DNAH1: variants seen among roughly 807,000 people sequenced by gnomAD.
DNAH1 encodes the protein dynein axonemal heavy chain 1, also known as axonemal beta dynein heavy chain 1.
A neutral mutation model predicts 484.3 loss-of-function variants in DNAH1; 327 were observed. The observed-to-expected ratio is 0.68, with a 90% CI of 0.62 to 0.74. The LOEUF (loss-of-function observed/expected upper bound fraction) is 0.74, where lower values mean the gene tolerates loss of function less well. Among genes scored for constraint, DNAH1 ranks in the 30% least tolerant of loss-of-function variants. The pLI is 0.00. For synonymous variants in DNAH1, 2,192 were observed against 2,191.9 expected, an observed-to-expected ratio of 1.00 and a Z score of 0.00; for missense variants, 5,052 against 5,546.8, an observed-to-expected ratio of 0.91 and a Z score of 2.83.
intron 8 of DNAH1, among the ~76,000 whole-genome samples, chr3:52,339,545 T>C (rs1701855297): frequency 1.3e-5 from 2 of 152,164 alleles, no homozygotes; most frequent in Non-Finnish European, 2.9e-5. Flanking sequence ...TACAGTTTTC[T>C]TCTGCTTGGT....
rs867441028 is a variant in DNAH1 at position 52,346,742 on chromosome 3, G to A, written c.1927G>A (p.Gly643Ser). 2 of 1,607,860 alleles carry A rather than the reference G, an allele frequency of 1.2e-6. No homozygotes were observed. The highest frequency in any genetic ancestry group is 8.5e-7 in the Non-Finnish European group (1 of 1,174,768). The change falls in exon 11 of 78, where the codon GGT (glycine) becomes AGT (serine). Residue 643 changes from glycine to serine, a missense_variant. Gly to Ser is a moderately conservative substitution (Grantham distance 56). This residue lies in a region of DNAH1 where 1,263 missense variants were observed against 1,218.8 expected (regional missense o/e 1.04). Transcript: ENST00000420323. ...CAACTGCACCGATGACATGGTCTGGGGTGACGACTTAATTAACAGCCCCTA... is the reference window on the plus strand; with the variant it reads ...CAACTGCACCGATGACATGGTCTGGAGTGACGACTTAATTAACAGCCCCTA... ...VLNCTDDMVW[G>S]DDLINSPYRP... is the part of the protein sequence containing the mutation.
In DNAH1 at chr3:52,322,644, C is replaced by G; in HGVS notation, c.202C>G (p.Pro68Ala). ...CCCACATTTACCCCTGCCCCCGGCC[C>G]CACCCACACTCTCAGACTTGGGGCA... ...KLPHLPLPPAPPTLSDLGQPR... is the reference protein window; with the variant it reads ...KLPHLPLPPAAPTLSDLGQPR... The change falls in exon 2 of 78, where the codon CCA (proline) becomes GCA (alanine). Residue 68 changes from proline (P) to alanine (A), a missense_variant. Physicochemically the swap from Pro to Ala is conservative, Grantham distance 27. Around this residue, in one of 4 missense-constraint regions of DNAH1, gnomAD observed 1,263 missense variants for 1,218.8 expected, o/e 1.04. Coordinates refer to ENST00000420323, the MANE Select transcript of DNAH1 (RefSeq NM_015512.5). The G allele has an allele frequency of 6.2e-7, 1 of 1,613,912 alleles. No homozygotes were observed. The highest frequency in any genetic ancestry group is 8.5e-7 in the Non-Finnish European group (1 of 1,179,866).
chr3:52,368,063 T>A lies in DNAH1; in HGVS notation c.5766-678T>A, dbSNP rs769760011. Among the ~76,000 whole-genome samples the A allele has an allele frequency of 6.6e-6, 1 of 151,794 alleles. No homozygotes were observed. The highest frequency in any genetic ancestry group is 1.5e-5 in the Non-Finnish European group (1 of 67,938). ...GTGGAAAATCCAGAGGAAACATCAGTGGTGAGGGGGATTCTGGTTGAACCA... is the reference window on the plus strand; with the variant it reads ...GTGGAAAATCCAGAGGAAACATCAGAGGTGAGGGGGATTCTGGTTGAACCA... On this transcript the variant is annotated intron_variant, in intron 36 of 77. Coordinates refer to ENST00000420323, the MANE Select transcript of DNAH1 (RefSeq NM_015512.5). The surrounding 1 kb of genome is among the most constrained non-coding windows in gnomAD (Gnocchi z 4.4).
In DNAH1 at chr3:52,349,991, C is replaced by G. The variant is rs200437374; in HGVS notation, c.2529C>G (p.Ile843Met). The G allele has an allele frequency of 2.5e-6, 4 of 1,607,954 alleles. No individual in the cohort carries two copies. In the African/African-American group the frequency reaches 5.3e-5, roughly 21 times the overall value. The change falls in exon 15 of 78, where the codon ATC becomes ATG. Residue 843 changes from isoleucine (I) to methionine (M), a missense_variant and splice_region_variant. Physicochemically the swap from Ile to Met is conservative, Grantham distance 10 (BLOSUM62 1). Transcript: ENST00000420323. ...AKNLHKEVDS[I>M]CEEFRSISRK... ...CCAGCGCCTCCTCCCACTGCCAGAT[C>G]TGCGAGGAGTTCCGCAGCATCAGCC... is the stretch of plus-strand genomic sequence containing the variant.
intron 1 of DNAH1, among the ~76,000 whole-genome samples, chr3:52,318,140 C>G (rs1408799837): frequency 6.6e-6 from 1 of 152,252 alleles, no homozygotes; most frequent in East Asian, 1.9e-4. Flanking sequence ...CAACCTCCAC[C>G]TCCCGGGTTC....
chr3:52,396,132 A>G (rs902180160), intron 70 of DNAH1, among the ~76,000 whole-genome samples: 4 of 151,814 alleles, frequency 2.6e-5, no homozygotes, highest in African/African-American at 9.7e-5. Flanking sequence ...ATGGCATTTC[A>G]CCATGTTGGC....
At chr3:52,357,761 T>G (rs776061152) in intron 23 of DNAH1, 26 bp downstream of exon 23, 2 of 1,571,580 alleles carry the variant, frequency 1.3e-6, no homozygotes, top group South Asian at 2.3e-5. Flanking sequence ...CCATGCCCAC[T>G]CCGCCACTGT....
At chr3:52,311,634 G>A (rs1700760167), upstream of DNAH1, among the ~76,000 whole-genome samples, 1 of 152,208 alleles carries the variant, frequency 6.6e-6, no homozygotes, top group Non-Finnish European at 1.5e-5. Flanking sequence ...CCAGCTGCGT[G>A]TATCCTGACG....
chr3:52,332,391 C>T lies in DNAH1; in HGVS notation c.1283C>T (p.Pro428Leu). Residue 428 changes from proline (P) to leucine (L), a missense_variant, in exon 8 of 78, where the codon CCC becomes CTC. By Grantham distance (98) the Pro-to-Leu change is moderately conservative. This residue lies in a region of DNAH1 where 1,263 missense variants were observed against 1,218.8 expected (regional missense o/e 1.04). Transcript: ENST00000420323. ...ALSTPRMRKG[P>L]SVLEHLSSLA... ...AGCACGCCTCGGATGCGCAAAGGCCCCTCGTGAGTCCCCGCTCGGCCTTCC... is the reference window on the plus strand; with the variant it reads ...AGCACGCCTCGGATGCGCAAAGGCCTCTCGTGAGTCCCCGCTCGGCCTTCC... 1 of 1,612,224 alleles carries T rather than the reference C, an allele frequency of 6.2e-7. No individual in the cohort carries two copies.
rs372987144 is a variant in DNAH1, at chr3:52,397,000, G to A, written c.11743G>A (p.Ala3915Thr). ...DVLSPEHSYS[A>T]SGIYHQIPPT... Reference sequence around the variant, plus strand: ...GCTCTCCCCTGAGCACAGCTACAGCGCCTCGGGCATCTACCACCAGATCCC... The same window carrying A: ...GCTCTCCCCTGAGCACAGCTACAGCACCTCGGGCATCTACCACCAGATCCC... The change falls in exon 73 of 78, where the codon GCC (alanine) becomes ACC (threonine). Residue 3915 changes from alanine to threonine, a missense_variant. Coordinates refer to ENST00000420323, the MANE Select transcript of DNAH1 (RefSeq NM_015512.5). The A allele has an allele frequency of 4.6e-5, 74 of 1,611,176 alleles. No homozygotes were observed. Among genetic ancestry groups the A allele is most frequent in the Non-Finnish European group, 5.8e-5 (68 of 1,178,862 alleles).
intron 3 of DNAH1, 112 bp from the exon 4 acceptor site, chr3:52,326,028 T>G: frequency 1.8e-6 from 2 of 1,126,988 alleles, no homozygotes; most frequent in Non-Finnish European, 2.4e-6. Flanking sequence ...AGCTTTGAGC[T>G]TCCCACACTC....
In DNAH1 at chr3:52,375,245, T is replaced by C. The variant is rs1281333009; in HGVS notation, c.6991T>C (p.Phe2331Leu). The C allele has an allele frequency of 6.2e-7, 1 of 1,604,278 alleles. No individual in the cohort carries two copies. The highest frequency in any genetic ancestry group is 1.1e-5 in the South Asian group (1 of 88,766). The part of the protein sequence containing the change: ...GWYDRKIIGA[F>L]KNLVDINFVC... ...ACTTCCTGCCCCTACTCCAGGTGCC[T>C]TCAAGAACCTAGTGGACATCAACTT... Residue 2331 changes from phenylalanine (F) to leucine (L), a missense_variant, in exon 45 of 78, where the codon TTC becomes CTC. By Grantham distance (22) the Phe-to-Leu change is conservative. Around this residue, in one of 4 missense-constraint regions of DNAH1, gnomAD observed 2,929 missense variants for 3,409.4 expected, o/e 0.86. Coordinates refer to ENST00000420323, the MANE Select transcript of DNAH1 (RefSeq NM_015512.5).
At position 52,338,580 on chromosome 3, in the gene DNAH1, A is replaced by C. The variant is rs567792665; in HGVS notation, c.1287-5910A>C. Among the ~76,000 whole-genome samples, 85 of 152,336 alleles carry C rather than the reference A, an allele frequency of 5.6e-4. 1 individual carries two copies. In the South Asian group the frequency reaches 0.017, roughly 31 times the overall value. On this transcript the variant is annotated intron_variant, in intron 8 of 77. Coordinates refer to ENST00000420323, the MANE Select transcript of DNAH1 (RefSeq NM_015512.5). Reference sequence around the variant, plus strand: ...CTTTTCTAGTAGATTCCTCATGAAGAGCTCAAGGGTATAGAGTTCCTTGAG... The same window carrying C: ...CTTTTCTAGTAGATTCCTCATGAAGCGCTCAAGGGTATAGAGTTCCTTGAG...
Position 52,353,218 on chromosome 3 carries a change from T to A in DNAH1, c.3143T>A (p.Ile1048Asn). 6.2e-7 allele frequency: 1 copy of A among 1,613,984 alleles called. No homozygotes were observed. Among genetic ancestry groups the A allele is most frequent in the African/African-American group, 1.3e-5 (1 of 75,048 alleles). ...TGGATGAATGACCCCCTCTCTGCCA[T>A]CGATGCTGAGCAGCTGGAGAAGAAC... ...ESWMNDPLSAIDAEQLEKNVV... is the reference protein window; with the variant it reads ...ESWMNDPLSANDAEQLEKNVV... Residue 1048 changes from isoleucine (I) to asparagine (N), a missense_variant, in exon 19 of 78, where the codon ATC becomes AAC. Ile to Asn is a moderately radical substitution (Grantham distance 149). Around this residue, in one of 4 missense-constraint regions of DNAH1, gnomAD observed 2,929 missense variants for 3,409.4 expected, o/e 0.86. Transcript: ENST00000420323. The surrounding 1 kb of genome is among the most constrained non-coding windows in gnomAD (Gnocchi z 5.0).
chr3:52,356,232 C>G (rs993811231), intron 21 of DNAH1, among the ~76,000 whole-genome samples: 1 of 152,180 alleles, frequency 6.6e-6, no homozygotes, highest in African/African-American at 2.4e-5. Flanking sequence ...TCAGAGAATC[C>G]TGGGGTCATG....
upstream of DNAH1, among the ~76,000 whole-genome samples, chr3:52,312,643 G>T (rs552047120): frequency 4.0e-5 from 6 of 150,960 alleles, no homozygotes; most frequent in African/African-American, 1.5e-4. Context: ...GCTAATTTTC[G>T]TATTTGTTTT....
chr3:52,345,781 C>T, intron 10 of DNAH1, 75 bp downstream of exon 10: 4 of 1,462,824 alleles, frequency 2.7e-6, no homozygotes, highest in Non-Finnish European at 3.7e-6. Context: ...GTCGGGGCTG[C>T]AGCGGAAGGC....
chr3:52,357,787 A>G lies in DNAH1; in HGVS notation c.3980+52A>G, dbSNP rs1403615912. ...CCGCCACTGTCTGCCCACAAGGCTGAGGTGTCCAGGGCCCTGCTCAGGCTA... is the reference window on the plus strand; with the variant it reads ...CCGCCACTGTCTGCCCACAAGGCTGGGGTGTCCAGGGCCCTGCTCAGGCTA... On this transcript the variant is annotated intron_variant, in intron 23 of 77. Transcript: ENST00000420323. The G allele has an allele frequency of 4.4e-6, 7 of 1,573,064 alleles. No homozygotes were observed. The East Asian group carries it at 1.6e-4, about 37-fold the overall frequency.
intron 58 of DNAH1, 69 bp downstream of exon 58, chr3:52,388,678 C>T (rs544060485): frequency 1.8e-5 from 29 of 1,608,512 alleles, no homozygotes; most frequent in South Asian, 1.5e-4. Context: ...AGGACCAGGG[C>T]GCCGGTGGGT....
Sources: gnomAD v4.1 joint callset for allele counts (sites outside exome capture counted in the v4.1 genomes callset) on GRCh38, gnomAD v4.1.1 for gene constraint, gnomAD v4.1.1 regional missense constraint, Gnocchi (gnomAD v3.1) non-coding constraint, MANE v1.5 for transcripts, NCBI Gene and HGNC (gene_info 2026-07-23, HGNC 2026-07-21) for gene names.